The following B3GALT1 variants were observed in gnomAD, a reference collection of about 807,000 sequenced individuals.
The protein encoded by B3GALT1 is UDP-Gal:betaGlcNAc beta 1,3-galactosyltransferase, polypeptide 1.
Under a neutral mutation model 23.2 loss-of-function variants are expected in B3GALT1, and 10 were observed. That is an observed-to-expected ratio of 0.43 (90% confidence interval 0.27 to 0.73). B3GALT1 has a LOEUF of 0.73. Among genes scored for constraint, B3GALT1 ranks in the 30% least tolerant of loss-of-function variants. B3GALT1 has a pLI of 0.21. For synonymous variants in B3GALT1, 156 were observed against 141.5 expected (o/e 1.10, Z -0.73); for missense variants, 299 against 405.4 (o/e 0.74, Z 2.25).
chr2:167,645,553 A>ATTTTTTTTTTTTTTTT (rs1195110974), intron 2 of B3GALT1, among the ~76,000 whole-genome samples: 1 of 87,046 alleles, frequency 1.1e-5, no homozygotes, highest in African/African-American at 4.7e-5. Flanking sequence ...ACTGCCAATA[A>ATTTTTTTTTTTTTTTT]TTTTTTTTTT....
intron 3 of B3GALT1, among the ~76,000 whole-genome samples, chr2:167,764,104 A>G (rs1687938221): frequency 6.6e-6 from 1 of 152,212 alleles, no homozygotes; most frequent in South Asian, 2.1e-4. Flanking sequence ...GATTTGCTGC[A>G]ATAGAAAAGT....
At chr2:167,813,376 T>C (rs1688929748) in intron 3 of B3GALT1, among the ~76,000 whole-genome samples, 1 of 152,218 alleles carries the variant, frequency 6.6e-6, no homozygotes, top group African/African-American at 2.4e-5. Context: ...GTTATAGAAA[T>C]GTGGTAGCCG....
intron 2 of B3GALT1, among the ~76,000 whole-genome samples, chr2:167,569,183 G>C (rs1302170623): frequency 6.6e-6 from 1 of 151,648 alleles, no homozygotes; most frequent in Non-Finnish European, 1.5e-5. Flanking sequence ...TTCTTCTTCA[G>C]TATTATATTT....
chr2:167,813,652 A>G (rs892629284), intron 3 of B3GALT1, among the ~76,000 whole-genome samples: 2 of 152,234 alleles, frequency 1.3e-5, no homozygotes, highest in Non-Finnish European at 2.9e-5. Context: ...TGTGCCTGTC[A>G]AATCTTGGAT....
At chr2:167,560,058 A>G (rs1043456549) in intron 2 of B3GALT1, among the ~76,000 whole-genome samples, 1 of 152,194 alleles carries the variant, frequency 6.6e-6, no homozygotes, top group Non-Finnish European at 1.5e-5. Flanking sequence ...CCAGAGAGAA[A>G]GGTCAGGTTA....
intron 4 of B3GALT1, among the ~76,000 whole-genome samples, chr2:167,825,437 G>GGTGTAT (rs1553491810): frequency 6.9e-6 from 1 of 144,574 alleles, no homozygotes; most frequent in Admixed American, 6.9e-5. Flanking sequence ...TATATGCAGG[G>GGTGTAT]GTGTGTGTGT....
At chr2:167,427,328 C>CT (rs1698638083) in intron 1 of B3GALT1, among the ~76,000 whole-genome samples, 1 of 152,040 alleles carries the variant, frequency 6.6e-6, no homozygotes, top group African/African-American at 2.4e-5. Flanking sequence ...CTTGATTTAG[C>CT]TTTTTTGTGT....
Position 167,352,268 on chromosome 2 carries a change from G to GT in B3GALT1, c.-511+58945dup, listed in dbSNP as rs1207331983. ...AGGTGTGAGCCACCATGCCTGGCCT[G>GT]TTTTTTTTTTTGTTTTTTTTTTTTT... On this transcript the variant is annotated intron_variant, in intron 1 of 4. Transcript: ENST00000392690. Among the ~76,000 whole-genome samples, 15 of 32,318 alleles carry GT rather than the reference G, an allele frequency of 4.6e-4. No homozygotes were observed. The South Asian group carries it at 4.8e-3, about 10-fold the overall frequency. 21.2% of individuals were successfully genotyped at this position (32,318 alleles called of 152,430 possible).
intron 3 of B3GALT1, among the ~76,000 whole-genome samples, chr2:167,698,886 T>G (rs190723568): frequency 5.2e-4 from 79 of 152,318 alleles, no homozygotes; most frequent in Non-Finnish European, 8.5e-4. Flanking sequence ...AACAGCTGAA[T>G]TTTTCTCTAC....
At chr2:167,357,167 G>A (rs1295970761) in intron 1 of B3GALT1, among the ~76,000 whole-genome samples, 2 of 151,960 alleles carry the variant, frequency 1.3e-5, no homozygotes, top group Admixed American at 1.3e-4. Flanking sequence ...CAATATTTAT[G>A]TGTAATACCA....
chr2:167,318,081 G>A (rs916268191), intron 1 of B3GALT1, among the ~76,000 whole-genome samples: 8 of 151,812 alleles, frequency 5.3e-5, no homozygotes, highest in African/African-American at 9.7e-5. Context: ...TAATCCCAGT[G>A]CTTTGGGAGG....
intron 1 of B3GALT1, among the ~76,000 whole-genome samples, chr2:167,396,917 A>C (rs1346239034): frequency 1.3e-5 from 2 of 152,108 alleles, no homozygotes. Context: ...GCAATGAACA[A>C]AGTTCTCAAC....
rs147822173 is a variant in B3GALT1 at position 167,779,186 on chromosome 2, C to T, written c.-351-39486C>T. The stretch of plus-strand genomic sequence containing the variant: ...AGATGTAAGTGAAGTATTTGGATAA[C>T]ATGTCTTGGTTTTTTTTCTCCCTTT... On this transcript the variant is annotated intron_variant, in intron 3 of 4. Transcript: ENST00000392690. 2.0e-5 allele frequency among the ~76,000 whole-genome samples: 3 copies of T among 152,334 alleles called. No individual in the cohort carries two copies. In the East Asian group the frequency reaches 5.8e-4, roughly 29 times the overall value.
chr2:167,585,162 A>G (rs1684566063), intron 2 of B3GALT1, among the ~76,000 whole-genome samples: 1 of 152,198 alleles, frequency 6.6e-6, no homozygotes, highest in Admixed American at 6.5e-5. Flanking sequence ...TAGGAACTGT[A>G]TGCCAGGAAA....
At chr2:167,623,613 G>T (rs1243304792) in intron 2 of B3GALT1, among the ~76,000 whole-genome samples, 1 of 152,038 alleles carries the variant, frequency 6.6e-6, no homozygotes, top group Non-Finnish European at 1.5e-5. Flanking sequence ...GGAGTGGGGG[G>T]CAAGGTGAGG....
chr2:167,548,420 C>T (rs541265863), intron 2 of B3GALT1, among the ~76,000 whole-genome samples: 14 of 152,160 alleles, frequency 9.2e-5, no homozygotes, highest in Non-Finnish European at 1.6e-4. Flanking sequence ...TCAGTATGGA[C>T]ACATGACTAA....
chr2:167,506,444 G>T (rs891081898), intron 2 of B3GALT1, among the ~76,000 whole-genome samples: 1 of 152,132 alleles, frequency 6.6e-6, no homozygotes, highest in African/African-American at 2.4e-5. Flanking sequence ...CCTAGAAATA[G>T]AACTTATGGC....
intron 3 of B3GALT1, among the ~76,000 whole-genome samples, chr2:167,755,904 G>A (rs1260391301): frequency 6.6e-6 from 1 of 152,160 alleles, no homozygotes; most frequent in Admixed American, 6.5e-5. Context: ...GAGGCCAGGA[G>A]TTTGAGATTG....
intron 1 of B3GALT1, among the ~76,000 whole-genome samples, chr2:167,373,559 G>A (rs1697717138): frequency 6.6e-6 from 1 of 152,052 alleles, no homozygotes; most frequent in South Asian, 2.1e-4. Flanking sequence ...ATAAAAAAGA[G>A]GTAGAGCAAA....
Sources: allele counts gnomAD v4.1 joint callset (sites outside exome capture counted in the v4.1 genomes callset), GRCh38; gene constraint gnomAD v4.1.1; transcripts MANE v1.5; gene names NCBI Gene and HGNC (gene_info 2026-07-23, HGNC 2026-07-21).